EYS: variants seen among roughly 807,000 people sequenced by gnomAD.
EYS encodes protein eyes shut homolog.
Under a neutral mutation model 282.1 loss-of-function variants are expected in EYS, and 250 were observed. That is an observed-to-expected ratio of 0.89 (90% CI 0.80 to 0.98). EYS has a LOEUF of 0.98. EYS is among the 50% of genes least tolerant of loss of function. The pLI, the probability that EYS is intolerant of heterozygous loss-of-function variation, is 0.00. For synonymous variants in EYS, 1,355 were observed against 1,282.9 expected, an observed-to-expected ratio of 1.06 and a Z score of -1.20; for missense variants, 4,016 against 3,709.0, an observed-to-expected ratio of 1.08 and a Z score of -2.15.
At chr6:65,609,243 T>C (rs1433098386) in intron 2 of EYS, among the ~76,000 whole-genome samples, 1 of 151,702 alleles carries the variant, frequency 6.6e-6, no homozygotes, top group Non-Finnish European at 1.5e-5. Context: ...TTTCCAGCTC[T>C]ATTATTATCT....
intron 7 of EYS, among the ~76,000 whole-genome samples, chr6:65,388,431 G>T (rs916944981): frequency 1.3e-5 from 2 of 151,934 alleles, no homozygotes; most frequent in African/African-American, 4.8e-5. Context: ...TTGAGAAGAG[G>T]TATTTCAAGG....
intron 15 of EYS, among the ~76,000 whole-genome samples, chr6:64,922,516 T>C (rs2146761): frequency 0.031 from 4,770 of 152,218 alleles, 133 homozygotes; most frequent in East Asian, 0.13. Context: ...AGTATAAATA[T>C]TACTATACAA....
intron 26 of EYS, among the ~76,000 whole-genome samples, chr6:64,533,403 T>C (rs189692959): frequency 6.6e-6 from 1 of 152,194 alleles, no homozygotes; most frequent in East Asian, 1.9e-4. Context: ...ATTATCTATG[T>C]ACATTAAAAT....
At chr6:64,625,782 G>A (rs986113892) in intron 23 of EYS, among the ~76,000 whole-genome samples, 3 of 152,172 alleles carry the variant, frequency 2.0e-5, no homozygotes, top group African/African-American at 7.2e-5. Context: ...ATACTAATAA[G>A]AGCTAACATT....
intron 26 of EYS, among the ~76,000 whole-genome samples, chr6:64,449,285 G>A (rs1020490451): frequency 9.2e-5 from 14 of 152,044 alleles, no homozygotes; most frequent in Non-Finnish European, 2.1e-4. Flanking sequence ...ATGAAATGAA[G>A]TGTGAAGAAA....
chr6:64,223,752 G>T (rs958536034), intron 31 of EYS, among the ~76,000 whole-genome samples: 25 of 152,092 alleles, frequency 1.6e-4, no homozygotes, highest in African/African-American at 6.0e-4. Context: ...TACACGTAAT[G>T]TATATAATAA....
At chr6:64,825,096 A>T (rs1022559307) in intron 19 of EYS, among the ~76,000 whole-genome samples, 1 of 151,996 alleles carries the variant, frequency 6.6e-6, no homozygotes, top group South Asian at 2.1e-4. Context: ...TATTTTCTCA[A>T]AAGTTTTAGG....
Position 65,495,011 on chromosome 6 carries a change from G to C in EYS, c.400C>G (p.His134Asp). ...CTCAGCCACTTAGAATTAACAGTGTGCATTCCTTTTAGTCTGCAGCCAAAA... is the reference window on the plus strand; with the variant it reads ...CTCAGCCACTTAGAATTAACAGTGTCCATTCCTTTTAGTCTGCAGCCAAAA... Reference protein sequence around the residue: ...LLFGCRLKGMHTVNSKWLSVG... With the variant: ...LLFGCRLKGMDTVNSKWLSVG... Residue 134 changes from histidine to aspartate, a missense_variant, in exon 4 of 43, where the codon CAC becomes GAC. Physicochemically the swap from His to Asp is moderately conservative, Grantham distance 81. Coordinates refer to ENST00000503581, the MANE Select transcript of EYS (RefSeq NM_001142800.2). 6.2e-7 allele frequency: 1 copy of C among 1,614,184 alleles called. No individual in the cohort carries two copies. Among genetic ancestry groups the C allele is most frequent in the Non-Finnish European group, 8.5e-7 (1 of 1,180,034 alleles).
intron 19 of EYS, among the ~76,000 whole-genome samples, chr6:64,837,705 C>G (rs1360968662): frequency 7.3e-6 from 1 of 136,158 alleles, no homozygotes; most frequent in African/African-American, 2.7e-5. Context: ...ATATGTATAT[C>G]CTAAAGAGTC....
chr6:65,422,213 T>G (rs1163949891), intron 5 of EYS, among the ~76,000 whole-genome samples: 3 of 151,948 alleles, frequency 2.0e-5, no homozygotes, highest in African/African-American at 7.2e-5. Context: ...CCACATGGCT[T>G]GTGGTTCTAT....
chr6:64,529,145 T>G (rs1778018742), intron 26 of EYS, among the ~76,000 whole-genome samples: 1 of 152,036 alleles, frequency 6.6e-6, no homozygotes, highest in Admixed American at 6.6e-5. Context: ...ATGCTTTGTA[T>G]GTACAAAGAA....
intron 1 of EYS, among the ~76,000 whole-genome samples, chr6:65,657,808 G>A (rs1016137862): frequency 2.0e-5 from 3 of 151,702 alleles, no homozygotes; most frequent in South Asian, 4.1e-4. Flanking sequence ...ATAGCATTGC[G>A]TGCTACAGAA....
At chr6:64,419,578 G>A (rs555895996) in intron 28 of EYS, among the ~76,000 whole-genome samples, 7 of 152,182 alleles carry the variant, frequency 4.6e-5, no homozygotes, top group Admixed American at 6.5e-5. Context: ...ATAAAATGGC[G>A]GTAAAGGGAC....
chr6:64,405,352 A>G (rs1448976884), intron 28 of EYS, among the ~76,000 whole-genome samples: 1 of 152,164 alleles, frequency 6.6e-6, no homozygotes, highest in Non-Finnish European at 1.5e-5. Flanking sequence ...GCTATTTATG[A>G]CAAACCCACA....
In EYS at chr6:64,707,408, G is replaced by T. The variant is rs1369698405; in HGVS notation, c.3444-81163C>A. On this transcript the variant is annotated intron_variant, in intron 22 of 42. Coordinates refer to ENST00000503581, the MANE Select transcript of EYS (RefSeq NM_001142800.2). ...TTGGGGGCCAGGCATGGTGGCTCAC[G>T]CCTGTAATCCCAGCACTTTGGGAGA... Among the ~76,000 whole-genome samples the T allele has an allele frequency of 9.2e-5, 14 of 152,188 alleles. No individual in the cohort carries two copies. In the East Asian group the frequency reaches 2.3e-3, roughly 25 times the overall value.
At chr6:64,180,112 T>G (rs1229496216) in intron 31 of EYS, among the ~76,000 whole-genome samples, 3 of 152,160 alleles carry the variant, frequency 2.0e-5, no homozygotes, top group Non-Finnish European at 2.9e-5. Context: ...TTAATAACAC[T>G]TTTGATATAT....
intron 5 of EYS, among the ~76,000 whole-genome samples, chr6:65,459,749 C>T (rs895022195): frequency 1.8e-4 from 27 of 150,788 alleles, no homozygotes; most frequent in African/African-American, 6.3e-4. Flanking sequence ...CATGGAGAGA[C>T]AAATATTTTT....
chr6:65,175,283 C>T (rs556840964), intron 12 of EYS, among the ~76,000 whole-genome samples: 4 of 151,402 alleles, frequency 2.6e-5, no homozygotes, highest in Admixed American at 2.0e-4. Flanking sequence ...AGTTTTCAGA[C>T]ATTTGGAATA....
chr6:65,217,560 T>G (rs1228578175), intron 12 of EYS, among the ~76,000 whole-genome samples: 1 of 152,042 alleles, frequency 6.6e-6, no homozygotes, highest in African/African-American at 2.4e-5. Context: ...TGAGACGGGC[T>G]GGAGCAAAGG....
Sources: gnomAD v4.1 joint callset for allele counts (sites outside exome capture counted in the v4.1 genomes callset) on GRCh38, gnomAD v4.1.1 for gene constraint, MANE v1.5 for transcripts, NCBI Gene and HGNC (gene_info 2026-07-23, HGNC 2026-07-21) for gene names.